Variants in PIAS1 observed in about 807,000 individuals in gnomAD.
The protein encoded by PIAS1 is E3 SUMO-protein ligase PIAS1.
Under a neutral mutation model 71.3 loss-of-function variants are expected in PIAS1, and 6 were observed. The ratio of observed to expected loss-of-function variants is 0.08; its 90% CI spans 0.05 to 0.17. PIAS1 has a LOEUF of 0.17. Among genes scored for constraint, PIAS1 ranks in the 10% least tolerant of loss-of-function variants. The pLI, the probability that PIAS1 is intolerant of heterozygous loss-of-function variation, is 1.00. For missense variants in PIAS1, 555 were observed against 793.6 expected, an observed-to-expected ratio of 0.70 and a Z score of 3.61; for synonymous variants, 303 against 292.9, an observed-to-expected ratio of 1.03 and a Z score of -0.35.
At chr15:68,059,773 G>A (rs1444783338) in intron 1 of PIAS1, among the ~76,000 whole-genome samples, 1 of 151,770 alleles carries the variant, frequency 6.6e-6, no homozygotes, top group Non-Finnish European at 1.5e-5. Flanking sequence ...AGAGTCAGGG[G>A]TCTCACTGTG....
intron 1 of PIAS1, among the ~76,000 whole-genome samples, chr15:68,082,794 C>T (rs2092240710): frequency 6.6e-6 from 1 of 151,838 alleles, no homozygotes; most frequent in African/African-American, 2.4e-5. Flanking sequence ...GAAAAAAATG[C>T]CAGAAGAACT....
At chr15:68,142,382 A>G (rs778607021) in intron 4 of PIAS1, 45 bp downstream of exon 4, 15 of 1,357,792 alleles carry the variant, frequency 1.1e-5, no homozygotes. Flanking sequence ...AAAAGATAAT[A>G]TTCCTTTTCA....
At chr15:68,114,059 CACTTAT>C (rs761789818) in intron 2 of PIAS1, among the ~76,000 whole-genome samples, 12 of 140,176 alleles carry the variant, frequency 8.6e-5, no homozygotes, top group African/African-American at 2.5e-4. Flanking sequence ...CACACACACA[CACTTAT>C]ATACATGTAT....
chr15:68,076,032 T>C (rs1399830067), intron 1 of PIAS1, among the ~76,000 whole-genome samples: 1 of 152,100 alleles, frequency 6.6e-6, no homozygotes, highest in Non-Finnish European at 1.5e-5. Context: ...ATCTGCCCGC[T>C]GCCGCCTCCC....
At chr15:68,110,155 G>A (rs1439933605) in intron 2 of PIAS1, among the ~76,000 whole-genome samples, 5 of 151,930 alleles carry the variant, frequency 3.3e-5, no homozygotes, top group Non-Finnish European at 4.4e-5. Context: ...TGGTATGTCC[G>A]CTAAGAATTA....
intron 7 of PIAS1, among the ~76,000 whole-genome samples, chr15:68,156,053 T>C (rs2092886604): frequency 6.6e-6 from 1 of 152,210 alleles, no homozygotes; most frequent in Non-Finnish European, 1.5e-5. Flanking sequence ...AAATCTCCCT[T>C]TCCCTGCTTA....
In PIAS1 at chr15:68,097,589, C is replaced by T. The variant is rs190795476; in HGVS notation, c.469+10839C>T. Reference sequence around the variant, plus strand: ...CTGGGACTACAGGCACGCACCACCACGCCCATCTAATTTTTGTATTTTTAT... The same window carrying T: ...CTGGGACTACAGGCACGCACCACCATGCCCATCTAATTTTTGTATTTTTAT... On this transcript the variant is annotated intron_variant, in intron 2 of 13. Transcript: ENST00000249636. Among the ~76,000 whole-genome samples the T allele has an allele frequency of 2.2e-3, 329 of 152,154 alleles. 3 individuals are homozygous for T. The highest frequency in any genetic ancestry group is 6.8e-3 in the Middle Eastern group (2 of 294).
In PIAS1 at chr15:68,174,100, C is replaced by T. The variant is rs536820880; in HGVS notation, c.1169+208C>T. 7.2e-5 allele frequency among the ~76,000 whole-genome samples: 11 copies of T among 152,272 alleles called. No homozygotes were observed. In the South Asian group the frequency reaches 8.3e-4, roughly 11 times the overall value. On this transcript the variant is annotated intron_variant, in intron 9 of 13. Coordinates refer to ENST00000249636, the MANE Select transcript of PIAS1 (RefSeq NM_016166.3). The surrounding 1 kb of genome is among the most constrained non-coding windows in gnomAD (Gnocchi z 4.0). Reference sequence around the variant, plus strand: ...TTGATGTTCCCTTGGTTTGAAAATGCGTGTGTTACTGTCAGTGCCTCCTGG... The same window carrying T: ...TTGATGTTCCCTTGGTTTGAAAATGTGTGTGTTACTGTCAGTGCCTCCTGG...
rs780377824 is a variant in PIAS1 at position 68,086,578 on chromosome 15, C to T, written c.297C>T (p.Tyr99=). The part of the protein sequence containing the change: ...LSPSTIPQLT[Y]DGHPASSPLL... ...CATCTACCATTCCACAACTCACTTA[C>T]GATGGTCACCCTGCATCATCGCCAT... Residue 99 remains tyrosine, a synonymous_variant, in exon 2 of 14, where the codon TAC becomes TAT. Transcript: ENST00000249636. The surrounding 1 kb of genome is among the most constrained non-coding windows in gnomAD (Gnocchi z 7.2). 1.1e-5 allele frequency: 17 copies of T among 1,613,760 alleles called. No individual in the cohort carries two copies. The Admixed American group carries it at 2.0e-4, about 19-fold the overall frequency.
intron 2 of PIAS1, among the ~76,000 whole-genome samples, chr15:68,106,570 G>T (rs1233967128): frequency 6.6e-6 from 1 of 152,146 alleles, no homozygotes; most frequent in Non-Finnish European, 1.5e-5. Flanking sequence ...CAGTCTCCCA[G>T]TTGTCTCTCT....
intron 4 of PIAS1, 29 bp downstream of exon 4, chr15:68,142,366 A>G (rs1467888143): frequency 2.7e-6 from 4 of 1,473,194 alleles, no homozygotes; most frequent in Non-Finnish European, 3.8e-6. Flanking sequence ...GATATATTCA[A>G]AGTTTAAAAG....
In PIAS1 at chr15:68,073,625, G is replaced by C. The variant is rs542071697; in HGVS notation, c.25-12681G>C. ...GAACTTACTGATTTGGAGTTAGCTAGTAAAAGGCTGGGATAGGAGGGGGGA... is the reference window on the plus strand; with the variant it reads ...GAACTTACTGATTTGGAGTTAGCTACTAAAAGGCTGGGATAGGAGGGGGGA... On this transcript the variant is annotated intron_variant, in intron 1 of 13. Transcript: ENST00000249636. Among the ~76,000 whole-genome samples, 3 of 152,264 alleles carry C rather than the reference G, an allele frequency of 2.0e-5. No individual in the cohort carries two copies. In the South Asian group the frequency reaches 6.2e-4, roughly 32 times the overall value.
intron 2 of PIAS1, among the ~76,000 whole-genome samples, chr15:68,093,713 G>A (rs531651779): frequency 1.5e-3 from 233 of 152,300 alleles, no homozygotes; most frequent in Non-Finnish European, 2.7e-3. Flanking sequence ...GAAAAGTAGA[G>A]AAGCAAATTA....
At chr15:68,057,236 C>T (rs540545540) in intron 1 of PIAS1, among the ~76,000 whole-genome samples, 1 of 152,100 alleles carries the variant, frequency 6.6e-6, no homozygotes, top group Non-Finnish European at 1.5e-5. Flanking sequence ...ATTCTCTATG[C>T]ACATTTGTTT....
intron 2 of PIAS1, among the ~76,000 whole-genome samples, chr15:68,135,987 T>C (rs1231669777): frequency 2.7e-5 from 1 of 36,750 alleles, no homozygotes; most frequent in Non-Finnish European, 1.0e-4. Flanking sequence ...AGACGCTCCT[T>C]ACTTCCTAGA....
intron 2 of PIAS1, among the ~76,000 whole-genome samples, chr15:68,100,494 A>AGGG (rs1213525501): frequency 6.6e-6 from 1 of 151,928 alleles, no homozygotes; most frequent in Non-Finnish European, 1.5e-5. Flanking sequence ...AGGGGCGGGG[A>AGGG]GGGGGGCGCT....
In PIAS1 at chr15:68,177,419, A is replaced by C. The variant is rs117189106; in HGVS notation, c.1481+765A>C. On this transcript the variant is annotated intron_variant, in intron 11 of 13. Coordinates refer to ENST00000249636, the MANE Select transcript of PIAS1 (RefSeq NM_016166.3). ...AAATTCACCCCAAGTTGAGTGTTTCAAGTGGAAAGCAGAGGAAGACCAATG... is the reference window on the plus strand; with the variant it reads ...AAATTCACCCCAAGTTGAGTGTTTCCAGTGGAAAGCAGAGGAAGACCAATG... 6.1e-3 allele frequency among the ~76,000 whole-genome samples: 927 copies of C among 152,324 alleles called. 4 individuals carry two copies. Among genetic ancestry groups the C allele is most frequent in the East Asian group, 0.032 (168 of 5,194 alleles).
intron 2 of PIAS1, among the ~76,000 whole-genome samples, chr15:68,098,754 C>A (rs775799021): frequency 6.6e-6 from 1 of 152,000 alleles, no homozygotes; most frequent in Non-Finnish European, 1.5e-5. Flanking sequence ...GCAATAGATT[C>A]GTTGGATTCT....
chr15:68,070,476 T>G (rs1230089588), intron 1 of PIAS1, among the ~76,000 whole-genome samples: 1 of 152,094 alleles, frequency 6.6e-6, no homozygotes, highest in Non-Finnish European at 1.5e-5. Context: ...AAAGTAATGA[T>G]GAGGAGTTAA....
Sources: gnomAD v4.1 joint callset for allele counts (sites outside exome capture counted in the v4.1 genomes callset) on GRCh38, gnomAD v4.1.1 for gene constraint, Gnocchi (gnomAD v3.1) non-coding constraint, MANE v1.5 for transcripts, NCBI Gene and HGNC (gene_info 2026-07-23, HGNC 2026-07-21) for gene names.